The following ACTL8 variants were observed in gnomAD, a reference collection of about 807,000 sequenced individuals.
ACTL8 encodes the protein actin like 8.
ACTL8 carries 3 observed loss-of-function variants against 9.3 expected under a neutral mutation model. The observed-to-expected ratio is 0.32, with a 90% CI of 0.15 to 0.83. ACTL8 has a LOEUF of 0.83. Among genes scored for constraint, ACTL8 ranks in the 40% least tolerant of loss-of-function variants. ACTL8 has a pLI of 0.57. For missense variants in ACTL8, 381 were observed against 492.2 expected (o/e 0.77, Z 2.14); for synonymous variants, 224 against 205.9 (o/e 1.09, Z -0.75).
intron 1 of ACTL8, among the ~76,000 whole-genome samples, chr1:17,787,898 C>A (rs1415526831): frequency 6.6e-6 from 1 of 152,216 alleles, no homozygotes; most frequent in African/African-American, 2.4e-5. Flanking sequence ...TTTCCTGTAT[C>A]TTGCCAGCAA....
intron 1 of ACTL8, among the ~76,000 whole-genome samples, chr1:17,813,813 A>G (rs1056804805): frequency 6.6e-6 from 1 of 152,216 alleles, no homozygotes; most frequent in Non-Finnish European, 1.5e-5. Flanking sequence ...GGCTATTTAA[A>G]TATATATTTC....
chr1:17,756,057 C>A (rs957682939), intron 1 of ACTL8, among the ~76,000 whole-genome samples: 2 of 151,856 alleles, frequency 1.3e-5, no homozygotes, highest in Non-Finnish European at 1.5e-5. Context: ...TCTACCGCAG[C>A]CCTCAGGGGC....
At chr1:17,759,513 C>A (rs796546041) in intron 1 of ACTL8, among the ~76,000 whole-genome samples, 13 of 152,376 alleles carry the variant, frequency 8.5e-5, no homozygotes, top group African/African-American at 3.1e-4. Context: ...GGCTTTCTTG[C>A]AAGTTCTGCT....
At chr1:17,797,179 C>T (rs78497510) in intron 1 of ACTL8, among the ~76,000 whole-genome samples, 5,146 of 152,212 alleles carry the variant, frequency 0.034, 288 homozygotes, top group African/African-American at 0.12. Context: ...GTGGTCCCTG[C>T]TGCCTGAGAG....
chr1:17,767,979 G>A lies in ACTL8; in HGVS notation c.-25+12475G>A, dbSNP rs1327174495. On this transcript the variant is annotated intron_variant, in intron 1 of 2. Coordinates refer to ENST00000375406, the MANE Select transcript of ACTL8 (RefSeq NM_030812.3). This position sits in a 1 kb window ranked among gnomAD's most constrained non-coding sequence, Gnocchi z 4.7. ...TGTGGGTTCAGTCCTGGGGGGCAGG[G>A]GTGAGCATATATGTGATGTGGGGTT... 6.6e-6 allele frequency among the ~76,000 whole-genome samples: 1 copy of A among 152,104 alleles called. No homozygotes were observed. The highest frequency in any genetic ancestry group is 1.5e-5 in the Non-Finnish European group (1 of 68,030).
chr1:17,757,010 A>T (rs554930284), intron 1 of ACTL8, among the ~76,000 whole-genome samples: 40 of 152,280 alleles, frequency 2.6e-4, no homozygotes, highest in African/African-American at 9.4e-4. Context: ...CAGGCCTTTA[A>T]TCCCAACACT....
At chr1:17,790,632 CTG>C (rs527997669) in intron 1 of ACTL8, among the ~76,000 whole-genome samples, 196 of 152,358 alleles carry the variant, frequency 1.3e-3, no homozygotes, top group African/African-American at 4.4e-3. Flanking sequence ...AGTTCCCACT[CTG>C]TGAGACTGGC....
rs1345822675 is a variant in ACTL8, at chr1:17,823,351, C to T, written c.343C>T (p.Leu115=). ...LREPADRKKM[L]EILFELLHVP... is the part of the protein sequence containing the mutation. ...GGAGCCTGCGGACCGAAAGAAGATGCTGGAGGTGAGGCCTGCCGGGGCCTG... is the reference window on the plus strand; with the variant it reads ...GGAGCCTGCGGACCGAAAGAAGATGTTGGAGGTGAGGCCTGCCGGGGCCTG... Residue 115 remains leucine, a synonymous_variant, in exon 2 of 3, where the codon CTG becomes TTG. Coordinates refer to ENST00000375406, the MANE Select transcript of ACTL8 (RefSeq NM_030812.3). The surrounding 1 kb of genome is among the most constrained non-coding windows in gnomAD (Gnocchi z 5.3). 5 of 1,611,698 alleles carry T rather than the reference C, an allele frequency of 3.1e-6. No homozygotes were observed. The Admixed American group carries it at 8.3e-5, about 27-fold the overall frequency.
At chr1:17,756,020 G>C (rs1472537896) in intron 1 of ACTL8, among the ~76,000 whole-genome samples, 1 of 152,088 alleles carries the variant, frequency 6.6e-6, no homozygotes, top group Non-Finnish European at 1.5e-5. Flanking sequence ...CTCTGTCACA[G>C]GTGGCAGGAG....
intron 1 of ACTL8, among the ~76,000 whole-genome samples, chr1:17,791,320 G>GCA: frequency 6.6e-6 from 1 of 152,274 alleles, no homozygotes; most frequent in Non-Finnish European, 1.5e-5. Flanking sequence ...CAGATGGCTC[G>GCA]CTGCTGCCAT....
At chr1:17,777,634 C>T (rs553894311) in intron 1 of ACTL8, among the ~76,000 whole-genome samples, 32 of 152,254 alleles carry the variant, frequency 2.1e-4, no homozygotes, top group South Asian at 8.3e-4. Context: ...CTGATTGATT[C>T]GTGATGTCTG....
intron 1 of ACTL8, among the ~76,000 whole-genome samples, chr1:17,774,228 G>A (rs1422382667): frequency 2.6e-5 from 4 of 152,094 alleles, no homozygotes; most frequent in African/African-American, 2.4e-5. Context: ...GCAGCCTGAC[G>A]AATAATCGCT....
intron 1 of ACTL8, among the ~76,000 whole-genome samples, chr1:17,798,763 T>A (rs16830760): frequency 9.2e-5 from 14 of 152,156 alleles, no homozygotes; most frequent in African/African-American, 2.9e-4. Flanking sequence ...TTCACTTTTT[T>A]AAAGTCTTTC....
At chr1:17,791,651 G>T (rs1174795940) in intron 1 of ACTL8, among the ~76,000 whole-genome samples, 1 of 152,232 alleles carries the variant, frequency 6.6e-6, no homozygotes, top group African/African-American at 2.4e-5. Flanking sequence ...AGGCTGGCTA[G>T]ATCAAGCCGC....
chr1:17,795,885 A>G (rs1035998159), intron 1 of ACTL8, among the ~76,000 whole-genome samples: 7 of 152,152 alleles, frequency 4.6e-5, no homozygotes, highest in Non-Finnish European at 7.3e-5. Flanking sequence ...GAGCTCGGGC[A>G]TTTCCAAGAC....
chr1:17,775,455 A>C (rs994434129), intron 1 of ACTL8, among the ~76,000 whole-genome samples: 1 of 152,066 alleles, frequency 6.6e-6, no homozygotes, highest in Non-Finnish European at 1.5e-5. Flanking sequence ...TTCCGGAGGG[A>C]AGTGAAGAGA....
chr1:17,782,762 T>C (rs1166610178), intron 1 of ACTL8, among the ~76,000 whole-genome samples: 7 of 152,216 alleles, frequency 4.6e-5, no homozygotes, highest in Non-Finnish European at 8.8e-5. Context: ...TTTGTGCATC[T>C]GCTTCTATAG....
rs694214 is a variant in ACTL8, at chr1:17,823,015, G to A, written c.7G>A (p.Ala3Thr). The A allele has an allele frequency of 7.4e-6, 12 of 1,612,592 alleles. No homozygotes were observed. Among genetic ancestry groups the A allele is most frequent in the Non-Finnish European group, 1.0e-5 (12 of 1,179,200 alleles). Reference sequence around the variant, plus strand: ...ACCCACCTCTGCCTCCGCCATGGCTGCAAGAACCGTTATCATTGACCACGG... The same window carrying A: ...ACCCACCTCTGCCTCCGCCATGGCTACAAGAACCGTTATCATTGACCACGG... Reference protein sequence around the residue: MAARTVIIDHGSG... With the variant: MATRTVIIDHGSG... Residue 3 changes from alanine (A) to threonine (T), a missense_variant, in exon 2 of 3, where the codon GCA becomes ACA. By Grantham distance (58) the Ala-to-Thr change is moderately conservative. This residue lies in a region of ACTL8 where 125 missense variants were observed against 180.7 expected (regional missense o/e 0.69). Transcript: ENST00000375406. The surrounding 1 kb of genome is among the most constrained non-coding windows in gnomAD (Gnocchi z 5.3).
intron 1 of ACTL8, among the ~76,000 whole-genome samples, chr1:17,768,505 A>G (rs1326251378): frequency 1.3e-5 from 2 of 152,218 alleles, no homozygotes; most frequent in Admixed American, 1.3e-4. Context: ...AGAGCCACAC[A>G]TGTGAGCTGT....
Sources: gnomAD v4.1 joint callset for allele counts (sites outside exome capture counted in the v4.1 genomes callset) on GRCh38, gnomAD v4.1.1 for gene constraint, gnomAD v4.1.1 regional missense constraint, Gnocchi (gnomAD v3.1) non-coding constraint, MANE v1.5 for transcripts, NCBI Gene and HGNC (gene_info 2026-07-23, HGNC 2026-07-21) for gene names.